The following IGFBPL1 variants were observed in gnomAD, a reference collection of about 807,000 sequenced individuals.
IGFBPL1 encodes insulin like growth factor binding protein like 1, also known as insulin-like growth factor-binding protein-like 1.
In IGFBPL1, 20 loss-of-function variants were observed where a neutral mutation model predicts 23.9. The ratio of observed to expected loss-of-function variants is 0.84; its 90% CI spans 0.59 to 1.22. IGFBPL1 has a LOEUF of 1.22. IGFBPL1 is among the 50% of genes most tolerant of loss of function. The pLI is 0.00. For synonymous variants in IGFBPL1, 184 were observed against 171.8 expected, an observed-to-expected ratio of 1.07 and a Z score of -0.56; for missense variants, 436 against 379.3, an observed-to-expected ratio of 1.15 and a Z score of -1.24.
intron 1 of IGFBPL1, among the ~76,000 whole-genome samples, chr9:38,417,574 G>T (rs1821618247): frequency 6.6e-6 from 1 of 152,188 alleles, no homozygotes; most frequent in Non-Finnish European, 1.5e-5. Context: ...CAACTCTCTG[G>T]TTCAATGATT....
intron 1 of IGFBPL1, among the ~76,000 whole-genome samples, chr9:38,422,515 G>A (rs979833275): frequency 6.6e-5 from 10 of 152,254 alleles, no homozygotes; most frequent in African/African-American, 2.2e-4. Context: ...GAAAGAGACA[G>A]GACTGTTTAA....
chr9:38,424,379 G>A lies in IGFBPL1; in HGVS notation c.46C>T (p.Leu16=). Residue 16 remains leucine (L), a synonymous_variant, in exon 1 of 5, where the codon CTG becomes TTG. Transcript: ENST00000377694. ...GGGGACAGCGGCGGCAGCAGCGGCA[G>A]CAGCAGCAGAAGCAGCAGCGGCAAG... is the stretch of plus-strand genomic sequence containing the variant. The part of the protein sequence containing the change: ...LLLPLLLLLL[L]PLLPPLSPSL... 1.5e-6 allele frequency: 1 copy of A among 683,456 alleles called. No individual in the cohort carries two copies. Among genetic ancestry groups the A allele is most frequent in the South Asian group, 1.7e-5 (1 of 60,290 alleles). 42.3% of individuals were successfully genotyped at this position (683,456 alleles called of 1,614,324 possible).
At chr9:38,421,923 T>C (rs1191678194) in intron 1 of IGFBPL1, among the ~76,000 whole-genome samples, 2 of 152,232 alleles carry the variant, frequency 1.3e-5, no homozygotes, top group African/African-American at 4.8e-5. Flanking sequence ...AATGAGATCA[T>C]GAAAACCAGT....
At position 38,424,062 on chromosome 9, in the gene IGFBPL1, C is replaced by A. The variant is rs756973017; in HGVS notation, c.363G>T (p.Ser121=). ...RGTVCGSDGR[S]YPSVCALRLR... is the part of the protein sequence containing the mutation. ...GGCGCAGCGCGCAGACGCTGGGGTA[C>A]GAGCGACCGTCGGAGCCGCAGACGG... Residue 121 remains serine (S), a synonymous_variant, in exon 1 of 5, where the codon TCG becomes TCT. Coordinates refer to ENST00000377694, the MANE Select transcript of IGFBPL1 (RefSeq NM_001007563.3). The A allele has an allele frequency of 3.6e-6, 5 of 1,399,180 alleles. No homozygotes were observed. Among genetic ancestry groups the A allele is most frequent in the Non-Finnish European group, 3.7e-6 (4 of 1,082,818 alleles). The allele number at this position is 1,399,180 out of a possible 1,614,324, so 86.7% of individuals were successfully genotyped here. A position where few individuals can be genotyped will look rare whatever the true frequency, so the allele number is the denominator to read the frequency against.
chr9:38,420,280 C>T (rs1327399032), intron 1 of IGFBPL1, among the ~76,000 whole-genome samples: 1 of 152,182 alleles, frequency 6.6e-6, no homozygotes, highest in Non-Finnish European at 1.5e-5. Context: ...GGCCCACTTG[C>T]ACACCCACCA....
chr9:38,413,997 A>C, intron 2 of IGFBPL1, 97 bp downstream of exon 2: 1 of 795,866 alleles, frequency 1.3e-6, no homozygotes, highest in Non-Finnish European at 2.1e-6. Context: ...TAAAAGAAAA[A>C]CATTTTTACC....
intron 1 of IGFBPL1, among the ~76,000 whole-genome samples, chr9:38,418,823 C>G (rs1050297429): frequency 6.6e-6 from 1 of 152,078 alleles, no homozygotes; most frequent in Non-Finnish European, 1.5e-5. Context: ...AGACAGTCAC[C>G]CAGATGCACA....
In IGFBPL1 at chr9:38,414,104, G is replaced by A. The variant is rs146099496; in HGVS notation, c.560C>T (p.Thr187Met). ...EVRAVPTPVI[T>M]WRKVTKSPEG... ...CTTGGACAGAAATACCTTTCTCCAC[G>A]TGATGACTGGGGTAGGCACAGCCCT... The change falls in exon 2 of 5, where the codon ACG (threonine) becomes ATG (methionine). Residue 187 changes from threonine to methionine, a missense_variant. Coordinates refer to ENST00000377694, the MANE Select transcript of IGFBPL1 (RefSeq NM_001007563.3). 28 of 1,601,060 alleles carry A rather than the reference G, an allele frequency of 1.7e-5. No homozygotes were observed. The highest frequency in any genetic ancestry group is 2.7e-5 in the African/African-American group (2 of 72,818).
Position 38,407,891 on chromosome 9 carries a change from C to A in IGFBPL1, c.*1336G>T, listed in dbSNP as rs945893306. 6.6e-6 allele frequency among the ~76,000 whole-genome samples: 1 copy of A among 152,114 alleles called. No individual in the cohort carries two copies. The highest frequency in any genetic ancestry group is 6.5e-5 in the Admixed American group (1 of 15,276). ...TCAATTCTTATTTTAAAATTGTAATCACCTAAGGATCTATTTTTTTAAGAT... is the reference window on the plus strand; with the variant it reads ...TCAATTCTTATTTTAAAATTGTAATAACCTAAGGATCTATTTTTTTAAGAT... On this transcript the variant is annotated 3_prime_UTR_variant, in exon 5 of 5. Coordinates refer to ENST00000377694, the MANE Select transcript of IGFBPL1 (RefSeq NM_001007563.3).
intron 2 of IGFBPL1, 61 bp downstream of exon 2, chr9:38,414,033 T>TCACACGCACA (rs1554661421): frequency 1.5e-6 from 1 of 680,642 alleles, no homozygotes; most frequent in African/African-American, 1.9e-5. Context: ...TCCCTCTTTC[T>TCACACGCACA]CACACACACA....
Position 38,406,635 on chromosome 9 carries a change from A to C in IGFBPL1, c.*2592T>G, listed in dbSNP as rs1821433651. On this transcript the variant is annotated 3_prime_UTR_variant, in exon 5 of 5. Transcript: ENST00000377694. ...TTGGTGCGGGGAGTGGGGGCATTGT[A>C]ATTACGTCTCCAAATGCTAACAGCT... is the stretch of plus-strand genomic sequence containing the variant. 6.6e-6 allele frequency among the ~76,000 whole-genome samples: 1 copy of C among 152,172 alleles called. No homozygotes were observed. Among genetic ancestry groups the C allele is most frequent in the Non-Finnish European group, 1.5e-5 (1 of 68,038 alleles).
At chr9:38,419,016 G>A (rs960086366) in intron 1 of IGFBPL1, among the ~76,000 whole-genome samples, 5 of 152,100 alleles carry the variant, frequency 3.3e-5, no homozygotes, top group Non-Finnish European at 5.9e-5. Flanking sequence ...AAATGGATGT[G>A]ACTGTGTTAT....
In IGFBPL1 at chr9:38,407,542, G is replaced by C. The variant is rs1033498383; in HGVS notation, c.*1685C>G. Among the ~76,000 whole-genome samples, 28 of 152,344 alleles carry C rather than the reference G, an allele frequency of 1.8e-4. No individual in the cohort carries two copies. The highest frequency in any genetic ancestry group is 6.3e-4 in the African/African-American group (26 of 41,582). On this transcript the variant is annotated 3_prime_UTR_variant, in exon 5 of 5. Transcript: ENST00000377694. Reference sequence around the variant, plus strand: ...CTCCAAAATGTAATGCACAATGTGAGCGGTGTGAAAGTGTGCCTTAAAAGT... The same window carrying C: ...CTCCAAAATGTAATGCACAATGTGACCGGTGTGAAAGTGTGCCTTAAAAGT...
At chr9:38,422,439 G>A (rs1015930204) in intron 1 of IGFBPL1, among the ~76,000 whole-genome samples, 1 of 152,252 alleles carries the variant, frequency 6.6e-6, no homozygotes, top group East Asian at 1.9e-4. Flanking sequence ...GAGACAAAGA[G>A]AATTGCCTGT....
rs375019601 is a variant in IGFBPL1 at position 38,409,404 on chromosome 9, C to A, written c.*10-187G>T. The stretch of plus-strand genomic sequence containing the variant: ...AGTACTTTTAAGACCAAAAGGTGGA[C>A]GTTTCAAAGCAGCAGACTCCAGCTT... On this transcript the variant is annotated intron_variant, in intron 4 of 4. Transcript: ENST00000377694. Among the ~76,000 whole-genome samples the A allele has an allele frequency of 1.2e-3, 183 of 152,182 alleles. 2 individuals carry two copies. The Middle Eastern group carries it at 0.014, about 11-fold the overall frequency.
intron 3 of IGFBPL1, 117 bp downstream of exon 3, chr9:38,413,120 T>C: frequency 1.4e-6 from 1 of 717,724 alleles, no homozygotes. Flanking sequence ...TCACAGTTAC[T>C]GGAGGGGCCA....
chr9:38,415,537 C>CA (rs1296817121), intron 1 of IGFBPL1, among the ~76,000 whole-genome samples: 2 of 152,060 alleles, frequency 1.3e-5, no homozygotes, highest in African/African-American at 4.8e-5. Context: ...AAGCCAGTGC[C>CA]AAAAAATCTC....
intron 1 of IGFBPL1, among the ~76,000 whole-genome samples, chr9:38,418,995 G>T (rs1265018855): frequency 6.6e-6 from 1 of 152,128 alleles, no homozygotes; most frequent in East Asian, 1.9e-4. Context: ...CATCCTTGGG[G>T]TGAAGGGAGA....
At chr9:38,414,899 T>A (rs1026701636) in intron 1 of IGFBPL1, among the ~76,000 whole-genome samples, 1 of 152,132 alleles carries the variant, frequency 6.6e-6, no homozygotes, top group South Asian at 2.1e-4. Flanking sequence ...CAGTGTTAGA[T>A]GTTTCAAACT....
Sources: allele counts gnomAD v4.1 joint callset (sites outside exome capture counted in the v4.1 genomes callset), GRCh38; gene constraint gnomAD v4.1.1; transcripts MANE v1.5; gene names NCBI Gene and HGNC (gene_info 2026-07-23, HGNC 2026-07-21).